The following DNAJC12 variants were observed in gnomAD, a reference collection of about 807,000 sequenced individuals.
DNAJC12 encodes the protein DnaJ heat shock protein family (Hsp40) member C12, also known as dnaJ homolog subfamily C member 12.
A neutral mutation model predicts 28.5 loss-of-function variants in DNAJC12; 25 were observed. The observed-to-expected ratio is 0.88, with a 90% CI of 0.64 to 1.22. The LOEUF (loss-of-function observed/expected upper bound fraction) is 1.22, where lower values mean the gene tolerates loss of function less well. DNAJC12 is among the 50% of genes most tolerant of loss of function. The pLI is 0.00. For missense variants in DNAJC12, 222 were observed against 231.7 expected (o/e 0.96, Z 0.27); for synonymous variants, 77 against 80.6 (o/e 0.95, Z 0.24).
intron 4 of DNAJC12, among the ~76,000 whole-genome samples, chr10:67,801,810 A>G (rs1447816282): frequency 1.5e-5 from 2 of 135,478 alleles, no homozygotes; most frequent in Non-Finnish European, 3.2e-5. Context: ...AAAAAGAACA[A>G]TGATTCCCAT....
Position 67,819,660 on chromosome 10 carries a change from G to GAGAAAGAAAGAAAGAAAGAA in DNAJC12, c.157+3634_157+3653dup, listed in dbSNP as rs60688341. On this transcript the variant is annotated intron_variant, in intron 2 of 4. Transcript: ENST00000225171. ...ACAAAAAAAGAAAGAAAGAAAGAAA[G>GAGAAAGAAAGAAAGAAAGAA]AGAAAGAAAGAAAGAAAGAAAGAAA... Among the ~76,000 whole-genome samples, 26 of 34,914 alleles carry GAGAAAGAAAGAAAGAAAGAA rather than the reference G, an allele frequency of 7.4e-4. 1 individual carries two copies. The highest frequency in any genetic ancestry group is 1.4e-3 in the African/African-American group (11 of 7,888). The allele number at this position is 34,914 out of a possible 152,430, so 22.9% of individuals were successfully genotyped here.
intron 4 of DNAJC12, among the ~76,000 whole-genome samples, chr10:67,801,494 G>C (rs998049537): frequency 2.0e-5 from 3 of 152,074 alleles, no homozygotes; most frequent in Admixed American, 6.6e-5. Flanking sequence ...CAGCTTTTTA[G>C]AACAATGATT....
At chr10:67,829,504 G>C (rs1023398279) in intron 1 of DNAJC12, among the ~76,000 whole-genome samples, 1 of 152,124 alleles carries the variant, frequency 6.6e-6, no homozygotes, top group Non-Finnish European at 1.5e-5. Flanking sequence ...AGCCGGGCGT[G>C]GTGGCGGCCG....
At chr10:67,834,565 A>G (rs1842124717) in intron 1 of DNAJC12, among the ~76,000 whole-genome samples, 1 of 152,252 alleles carries the variant, frequency 6.6e-6, no homozygotes, top group Non-Finnish European at 1.5e-5. Flanking sequence ...GCGGTGGCTC[A>G]TGCCTGTAAT....
chr10:67,824,744 T>A (rs1274289580), intron 1 of DNAJC12, among the ~76,000 whole-genome samples: 1 of 151,026 alleles, frequency 6.6e-6, no homozygotes, highest in East Asian at 1.9e-4. Flanking sequence ...TTATTTATTT[T>A]TATTTTTGAG....
Position 67,797,272 on chromosome 10 carries a change from TAAAACAGCTTGGGG to T in DNAJC12, c.503-76_503-63del, listed in dbSNP as rs1841683630. The T allele has an allele frequency of 2.9e-6, 4 of 1,363,710 alleles. No homozygotes were observed. The African/African-American group carries it at 5.8e-5, about 20-fold the overall frequency. The allele number at this position is 1,363,710 out of a possible 1,614,324, so 84.5% of individuals were successfully genotyped here. A position where few individuals can be genotyped will look rare whatever the true frequency, so the allele number is the denominator to read the frequency against. The stretch of plus-strand genomic sequence containing the variant: ...GTAGGAAAAGTCGATCTTGTTATAG[TAAAACAGCTTGGGG>T]ATAATATTTCACTGCAGCAGGTACA... On this transcript the variant is annotated intron_variant, in intron 4 of 4. Transcript: ENST00000225171.
chr10:67,799,908 G>T (rs1299581092), intron 4 of DNAJC12, among the ~76,000 whole-genome samples: 4 of 148,670 alleles, frequency 2.7e-5, no homozygotes, highest in African/African-American at 9.9e-5. Flanking sequence ...TTCTAGTTAG[G>T]GTTCCCGTAG....
intron 1 of DNAJC12, among the ~76,000 whole-genome samples, chr10:67,825,145 G>T (rs758726930): frequency 6.6e-6 from 1 of 152,244 alleles, no homozygotes; most frequent in Admixed American, 6.5e-5. Context: ...TATAAGTAGC[G>T]CACTTAACAC....
chr10:67,832,506 G>T (rs1842104480), intron 1 of DNAJC12, among the ~76,000 whole-genome samples: 2 of 152,012 alleles, frequency 1.3e-5, no homozygotes, highest in Admixed American at 6.6e-5. Context: ...TAATATTTGG[G>T]TTATAACACT....
At chr10:67,837,788 C>T in intron 1 of DNAJC12, 146 bp downstream of exon 1, 3 of 564,182 alleles carry the variant, frequency 5.3e-6, no homozygotes, top group Non-Finnish European at 9.1e-6. Flanking sequence ...TTAACTTTCT[C>T]TGAGCCAAAA....
At chr10:67,799,688 G>C (rs56020505) in intron 4 of DNAJC12, among the ~76,000 whole-genome samples, 4 of 152,088 alleles carry the variant, frequency 2.6e-5, no homozygotes, top group Admixed American at 2.0e-4. Context: ...TTCGAGACCA[G>C]CCTGACCAAC....
At chr10:67,837,033 A>G (rs1301839871) in intron 1 of DNAJC12, among the ~76,000 whole-genome samples, 1 of 151,348 alleles carries the variant, frequency 6.6e-6, no homozygotes, top group Non-Finnish European at 1.5e-5. Context: ...GAAATAAAAT[A>G]TTTAACAATA....
intron 3 of DNAJC12, chr10:67,808,738 T>C (rs895479673): frequency 6.6e-6 from 1 of 152,142 alleles, no homozygotes; most frequent in Non-Finnish European, 1.5e-5. Flanking sequence ...CTATACAAAA[T>C]TGACTGGTTA....
chr10:67,837,695 A>G lies in DNAJC12; in HGVS notation c.78+239T>C, dbSNP rs567712331. On this transcript the variant is annotated intron_variant, in intron 1 of 4. Transcript: ENST00000225171. ...GTGAAACAGCATATGGCCATGTGCC[A>G]GAATACACATATTTAATCAGAAGCT... is the stretch of plus-strand genomic sequence containing the variant. Among the ~76,000 whole-genome samples the G allele has an allele frequency of 1.4e-4, 22 of 152,340 alleles. No individual in the cohort carries two copies. The South Asian group carries it at 4.6e-3, about 32-fold the overall frequency.
At chr10:67,837,063 G>A (rs890631654) in intron 1 of DNAJC12, among the ~76,000 whole-genome samples, 1 of 151,402 alleles carries the variant, frequency 6.6e-6, no homozygotes, top group Non-Finnish European at 1.5e-5. Flanking sequence ...TTCAACTGTG[G>A]TAACACAGCA....
Position 67,826,573 on chromosome 10 carries a change from A to T in DNAJC12, c.79-3181T>A, listed in dbSNP as rs887708279. On this transcript the variant is annotated intron_variant, in intron 1 of 4. Coordinates refer to ENST00000225171, the MANE Select transcript of DNAJC12 (RefSeq NM_021800.3). ...ATATAAGATATCTAATAATATATAT[A>T]ATATATATCATCTAATGATATATAT... 4.1e-4 allele frequency among the ~76,000 whole-genome samples: 57 copies of T among 139,684 alleles called. 1 individual carries two copies. The East Asian group carries it at 9.0e-3, about 22-fold the overall frequency. The allele number at this position is 139,684 out of a possible 152,430, so 91.6% of individuals were successfully genotyped here.
At position 67,823,523 on chromosome 10, in the gene DNAJC12, A is replaced by G. The variant is rs908404602; in HGVS notation, c.79-131T>C. 3 of 673,978 alleles carry G rather than the reference A, an allele frequency of 4.5e-6. No homozygotes were observed. In the African/African-American group the frequency reaches 5.4e-5, roughly 12 times the overall value. The allele number at this position is 673,978 out of a possible 1,614,324, so 41.7% of individuals were successfully genotyped here. On this transcript the variant is annotated intron_variant, in intron 1 of 4. Coordinates refer to ENST00000225171, the MANE Select transcript of DNAJC12 (RefSeq NM_021800.3). ...TAAGACCAGCCTGGACAACAAAGCA[A>G]GACCCAGTCTCTACAAAATATAAAA...
chr10:67,797,976 G>A (rs1216952887), intron 4 of DNAJC12, among the ~76,000 whole-genome samples: 4 of 151,026 alleles, frequency 2.6e-5, no homozygotes, highest in Non-Finnish European at 5.9e-5. Flanking sequence ...GCATGCGGAG[G>A]TTGCAGTGAG....
At chr10:67,824,591 A>C (rs1241345811) in intron 1 of DNAJC12, among the ~76,000 whole-genome samples, 1 of 152,082 alleles carries the variant, frequency 6.6e-6, no homozygotes, top group Admixed American at 6.6e-5. Context: ...ATTTGATTTC[A>C]CTTACCCATC....
Sources: allele counts gnomAD v4.1 joint callset (sites outside exome capture counted in the v4.1 genomes callset), GRCh38; gene constraint gnomAD v4.1.1; transcripts MANE v1.5; gene names NCBI Gene and HGNC (gene_info 2026-07-23, HGNC 2026-07-21).